The following TNIK variants were observed in gnomAD, a reference collection of about 807,000 sequenced individuals.
The protein encoded by TNIK is TRAF2 and NCK interacting kinase, also known as TRAF2 and NCK-interacting protein kinase.
Under a neutral mutation model 191.3 loss-of-function variants are expected in TNIK, and 49 were observed. The observed-to-expected ratio is 0.26, with a 90% CI of 0.20 to 0.32. TNIK has a LOEUF of 0.32. Ranked by LOEUF, TNIK falls within the 10% of genes least tolerant of loss-of-function variation. The pLI is 1.00. For synonymous variants in TNIK, 594 were observed against 600.9 expected (o/e 0.99, Z 0.17); for missense variants, 1,155 against 1,702.3 (o/e 0.68, Z 5.66).
intron 1 of TNIK, among the ~76,000 whole-genome samples, chr3:171,395,433 C>T (rs540280763): frequency 2.0e-5 from 3 of 152,202 alleles, no homozygotes; most frequent in South Asian, 2.1e-4. Context: ...CAAAAATGGT[C>T]GCAATTATTA....
rs1734702791 is a variant in TNIK, at chr3:171,167,026, A to G, written c.949+69T>C. 3.9e-6 allele frequency: 6 copies of G among 1,533,016 alleles called. No individual in the cohort carries two copies. The Admixed American group carries it at 1.0e-4, about 26-fold the overall frequency. 95.0% of individuals were successfully genotyped at this position (1,533,016 alleles called of 1,614,324 possible). On this transcript the variant is annotated intron_variant, in intron 10 of 32. Coordinates refer to ENST00000436636, the MANE Select transcript of TNIK (RefSeq NM_015028.4). Reference sequence around the variant, plus strand: ...TTTGAAATCCCCATAGTCACCTCCAAATACATCAAGCGCCCATGATTCACT... The same window carrying G: ...TTTGAAATCCCCATAGTCACCTCCAGATACATCAAGCGCCCATGATTCACT...
intron 18 of TNIK, among the ~76,000 whole-genome samples, chr3:171,122,962 C>A (rs1319947749): frequency 6.6e-6 from 1 of 152,210 alleles, no homozygotes; most frequent in African/African-American, 2.4e-5. Flanking sequence ...GAAGTGGATG[C>A]AACTTTCTGA....
intron 2 of TNIK, among the ~76,000 whole-genome samples, chr3:171,318,085 C>A (rs1754824169): frequency 6.6e-6 from 1 of 152,088 alleles, no homozygotes; most frequent in Non-Finnish European, 1.5e-5. Context: ...TAGATTTGTA[C>A]TAGGTCTGTC....
chr3:171,139,378 G>GCGCGCACACA, intron 14 of TNIK, 92 bp downstream of exon 14: 2 of 692,986 alleles, frequency 2.9e-6, no homozygotes, highest in East Asian at 2.9e-5. Context: ...ACGCACGCGC[G>GCGCGCACACA]CACACACACA....
At chr3:171,105,069 C>G (rs1177688487) in intron 21 of TNIK, among the ~76,000 whole-genome samples, 1 of 149,632 alleles carries the variant, frequency 6.7e-6, no homozygotes, top group South Asian at 2.1e-4. Flanking sequence ...AATGTACACT[C>G]CCCCAAATTA....
chr3:171,261,595 T>C (rs1476398445), intron 2 of TNIK, among the ~76,000 whole-genome samples: 3 of 152,222 alleles, frequency 2.0e-5, no homozygotes, highest in Non-Finnish European at 4.4e-5. Context: ...AACAGCCATG[T>C]CATAATTCCG....
In TNIK at chr3:171,108,115, T is replaced by C. The variant is rs55778284; in HGVS notation, c.2332A>G (p.Lys778Glu). The change falls in exon 20 of 33, where the codon AAG becomes GAG. Residue 778 changes from lysine to glutamate, a missense_variant. Transcript: ENST00000436636. ...GSPVLPHEPA[K>E]VKPEESRDIT... The stretch of plus-strand genomic sequence containing the variant: ...TCCCTGGATTCTTCTGGTTTCACCT[T>C]CGCAGGCTCATGGGGGAGCACAGGT... The C allele has an allele frequency of 3.2e-6, 5 of 1,579,484 alleles. No individual in the cohort carries two copies. The East Asian group carries it at 1.2e-4, about 36-fold the overall frequency.
At chr3:171,423,399 C>G (rs1724080242) in intron 1 of TNIK, among the ~76,000 whole-genome samples, 1 of 152,048 alleles carries the variant, frequency 6.6e-6, no homozygotes, top group Admixed American at 6.5e-5. Context: ...TGAAAATGGC[C>G]ATACTGCCCA....
At chr3:171,067,285 A>G (rs1002867386) in intron 30 of TNIK, among the ~76,000 whole-genome samples, 1 of 150,100 alleles carries the variant, frequency 6.7e-6, no homozygotes, top group Non-Finnish European at 1.5e-5. Context: ...TGAAAAAAAA[A>G]TATATATATA....
chr3:171,427,790 C>T (rs1167596771), intron 1 of TNIK, among the ~76,000 whole-genome samples: 1 of 152,132 alleles, frequency 6.6e-6, no homozygotes, highest in Non-Finnish European at 1.5e-5. Context: ...GAATAAAATA[C>T]TTAAGTCAGG....
intron 28 of TNIK, among the ~76,000 whole-genome samples, chr3:171,073,784 T>C (rs12498000): frequency 0.1 from 15,228 of 146,916 alleles, 847 homozygotes; most frequent in Middle Eastern, 0.14. Context: ...CAGAGAAATG[T>C]AAATCAAAAC....
chr3:171,082,641 G>A, intron 26 of TNIK: 1 of 425,322 alleles, frequency 2.4e-6, no homozygotes, highest in Non-Finnish European at 4.1e-6. Context: ...ACTACCTAAT[G>A]CAGAGAGTCC....
In TNIK at chr3:171,061,324, T is replaced by C. The variant is rs1168365227; in HGVS notation, c.*2557A>G. 6.6e-6 allele frequency: 1 copy of C among 152,150 alleles called. No homozygotes were observed. Among genetic ancestry groups the C allele is most frequent in the Non-Finnish European group, 1.5e-5 (1 of 68,004 alleles). 9.4% of individuals were successfully genotyped at this position (152,150 alleles called of 1,614,324 possible). ...TCAGTGTAAAATATTAGTACAAAAATATAAAAGGCATGGCTTGATGTTTAA... is the reference window on the plus strand; with the variant it reads ...TCAGTGTAAAATATTAGTACAAAAACATAAAAGGCATGGCTTGATGTTTAA... On this transcript the variant is annotated 3_prime_UTR_variant, in exon 33 of 33. Transcript: ENST00000436636.
chr3:171,332,932 G>A (rs895377304), intron 2 of TNIK, among the ~76,000 whole-genome samples: 5 of 152,246 alleles, frequency 3.3e-5, no homozygotes, highest in African/African-American at 7.2e-5. Context: ...TTGTCAGAAC[G>A]ACAGAAAAGC....
chr3:171,232,459 CT>C (rs1457459225), intron 2 of TNIK, among the ~76,000 whole-genome samples: 2 of 152,070 alleles, frequency 1.3e-5, no homozygotes, highest in Non-Finnish European at 2.9e-5. Flanking sequence ...AGAAAATGTC[CT>C]ATCAGATTGC....
intron 28 of TNIK, 70 bp downstream of exon 28, chr3:171,079,448 G>A (rs1720397938): frequency 1.3e-6 from 2 of 1,533,710 alleles, no homozygotes; most frequent in Admixed American, 2.0e-5. Context: ...AAAAAACTAG[G>A]TGAAACCTAA....
chr3:171,403,877 G>A (rs1308178394), intron 1 of TNIK, among the ~76,000 whole-genome samples: 1 of 152,186 alleles, frequency 6.6e-6, no homozygotes, highest in Non-Finnish European at 1.5e-5. Flanking sequence ...TCTGCTAACA[G>A]TGTCCAGAGG....
intron 1 of TNIK, among the ~76,000 whole-genome samples, chr3:171,452,150 C>T (rs759337192): frequency 6.6e-6 from 1 of 152,136 alleles, no homozygotes; most frequent in Non-Finnish European, 1.5e-5. Context: ...GTCAGCCCTT[C>T]GTCCTATCAC....
At chr3:171,283,385 G>T (rs1230532027) in intron 2 of TNIK, among the ~76,000 whole-genome samples, 4 of 152,110 alleles carry the variant, frequency 2.6e-5, no homozygotes, top group Non-Finnish European at 5.9e-5. Context: ...AAATGAACAT[G>T]AGAGAAAGCC....
Sources: allele counts gnomAD v4.1 joint callset (sites outside exome capture counted in the v4.1 genomes callset), GRCh38; gene constraint gnomAD v4.1.1; transcripts MANE v1.5; gene names NCBI Gene and HGNC (gene_info 2026-07-23, HGNC 2026-07-21).